The following DIP2C variants were observed in gnomAD, a reference collection of about 807,000 sequenced individuals.
The protein encoded by DIP2C is DIP2 acetate--CoA ligase C (putative), also known as disco-interacting protein 2 homolog C.
In DIP2C, 33 loss-of-function variants were observed where a neutral mutation model predicts 192.4. That is an observed-to-expected ratio of 0.17 (90% confidence interval 0.13 to 0.23). DIP2C has a LOEUF of 0.23. Among genes scored for constraint, DIP2C ranks in the 10% least tolerant of loss-of-function variants. DIP2C has a pLI of 1.00. For missense variants in DIP2C, 1,537 were observed against 2,110.1 expected (o/e 0.73, Z 5.32); for synonymous variants, 979 against 864.1 (o/e 1.13, Z -2.33).
At chr10:527,659 G>A (rs543747828) in intron 1 of DIP2C, among the ~76,000 whole-genome samples, 4 of 152,330 alleles carry the variant, frequency 2.6e-5, no homozygotes, top group Admixed American at 2.0e-4. Context: ...ATTGAGAAAT[G>A]CTTGCCAGTT....
chr10:335,946 T>G (rs558638111), intron 29 of DIP2C, among the ~76,000 whole-genome samples: 142 of 152,300 alleles, frequency 9.3e-4, no homozygotes, highest in African/African-American at 3.2e-3. Context: ...TCACCCAGGC[T>G]TGAGTGCAGT....
At chr10:401,837 G>A (rs113297567) in intron 9 of DIP2C, among the ~76,000 whole-genome samples, 1,395 of 93,346 alleles carry the variant, frequency 0.015, no homozygotes, top group South Asian at 0.026. Flanking sequence ...TACACGTGTG[G>A]CAGCATTAGC....
At chr10:362,124 T>C (rs1038076926) in intron 22 of DIP2C, among the ~76,000 whole-genome samples, 4 of 150,770 alleles carry the variant, frequency 2.7e-5, no homozygotes, top group Non-Finnish European at 5.9e-5. Context: ...AAGAAAAAAA[T>C]TAGAAGTAGG....
At chr10:359,984 AAGTC>A (rs1564613056) in intron 22 of DIP2C, among the ~76,000 whole-genome samples, 8 of 152,088 alleles carry the variant, frequency 5.3e-5, no homozygotes, top group Non-Finnish European at 1.2e-4. Flanking sequence ...CTCTTCTAAG[AAGTC>A]AACTTGGAAA....
intron 1 of DIP2C, among the ~76,000 whole-genome samples, chr10:509,109 T>C (rs886397229): frequency 6.6e-6 from 1 of 152,304 alleles, no homozygotes; most frequent in East Asian, 1.9e-4. Flanking sequence ...CTAGTGGCAT[T>C]TCCTGGCAAG....
At chr10:435,158 CTG>C (rs1331527794) in intron 4 of DIP2C, among the ~76,000 whole-genome samples, 7 of 152,138 alleles carry the variant, frequency 4.6e-5, no homozygotes, top group Non-Finnish European at 7.4e-5. Context: ...CTTGGATACT[CTG>C]TTCTTTTTTG....
chr10:462,434 T>C (rs1026826192), intron 3 of DIP2C, among the ~76,000 whole-genome samples: 1 of 152,144 alleles, frequency 6.6e-6, no homozygotes, highest in Non-Finnish European at 1.5e-5. Flanking sequence ...AAGAAATGGA[T>C]AAATTCCAGG....
chr10:291,578 G>T (rs1037541381), intron 32 of DIP2C, among the ~76,000 whole-genome samples: 1 of 152,194 alleles, frequency 6.6e-6, no homozygotes, highest in Non-Finnish European at 1.5e-5. Flanking sequence ...CATGTGCAAA[G>T]AACTCATAGA....
intron 28 of DIP2C, among the ~76,000 whole-genome samples, chr10:342,946 G>A (rs1054335509): frequency 2.6e-5 from 4 of 152,264 alleles, no homozygotes; most frequent in African/African-American, 9.6e-5. Context: ...AACCTCAGAG[G>A]AAAAAGGAAG....
chr10:450,354 T>C (rs931327384), intron 3 of DIP2C, among the ~76,000 whole-genome samples: 2 of 152,122 alleles, frequency 1.3e-5, no homozygotes, highest in Non-Finnish European at 2.9e-5. Flanking sequence ...ATCTGGCACC[T>C]TGACTCACTT....
At chr10:629,175 G>C (rs1352454963) in intron 1 of DIP2C, among the ~76,000 whole-genome samples, 2 of 152,198 alleles carry the variant, frequency 1.3e-5, no homozygotes, top group Non-Finnish European at 2.9e-5. Flanking sequence ...ACTGGCGGTG[G>C]AGACACACGG....
chr10:337,754 A>ATGTG (rs1331224124), intron 29 of DIP2C, among the ~76,000 whole-genome samples: 1 of 11,786 alleles, frequency 8.5e-5, no homozygotes, highest in African/African-American at 2.8e-4. Flanking sequence ...GACTAGGCTG[A>ATGTG]TGTGTGTGTG....
At chr10:609,008 AC>A (rs1159858051) in intron 1 of DIP2C, among the ~76,000 whole-genome samples, 1 of 152,022 alleles carries the variant, frequency 6.6e-6, no homozygotes, top group Non-Finnish European at 1.5e-5. Context: ...ACAGAAGAAA[AC>A]CCTATAAGCA....
At chr10:524,943 C>T (rs1846960866) in intron 1 of DIP2C, among the ~76,000 whole-genome samples, 1 of 111,792 alleles carries the variant, frequency 8.9e-6, no homozygotes, top group African/African-American at 5.2e-5. Flanking sequence ...GGTCTAGACA[C>T]ACAGTTTAAG....
intron 5 of DIP2C, 95 bp downstream of exon 5, chr10:422,729 C>G (rs953236305): frequency 2.1e-6 from 3 of 1,436,176 alleles, no homozygotes; most frequent in Non-Finnish European, 2.8e-6. Context: ...GCTCTTTCCA[C>G]CGAGGGATTC....
At chr10:369,412 G>A (rs536457772) in intron 18 of DIP2C, 82 bp downstream of exon 18, 30 of 1,457,118 alleles carry the variant, frequency 2.1e-5, no homozygotes, top group African/African-American at 1.3e-4. Context: ...ACGCGGGAAC[G>A]TGGGAACGCA....
intron 1 of DIP2C, among the ~76,000 whole-genome samples, chr10:580,501 A>G (rs1181457837): frequency 1.3e-5 from 2 of 152,154 alleles, no homozygotes; most frequent in East Asian, 1.9e-4. Flanking sequence ...GTGTGGATAT[A>G]ATAGTGCCCA....
intron 1 of DIP2C, among the ~76,000 whole-genome samples, chr10:504,149 G>C (rs1322847436): frequency 3.9e-5 from 6 of 152,208 alleles, no homozygotes; most frequent in African/African-American, 9.6e-5. Flanking sequence ...GAGCATGAAA[G>C]AGCAATAAAG....
chr10:481,113 T>C (rs1397635208), intron 2 of DIP2C, among the ~76,000 whole-genome samples: 1 of 152,016 alleles, frequency 6.6e-6, no homozygotes, highest in Non-Finnish European at 1.5e-5. Context: ...GTAACTCTCA[T>C]GGCACAACAA....
Sources: allele counts gnomAD v4.1 joint callset (sites outside exome capture counted in the v4.1 genomes callset), GRCh38; gene constraint gnomAD v4.1.1; transcripts MANE v1.5; gene names NCBI Gene and HGNC (gene_info 2026-07-23, HGNC 2026-07-21).